Variants in DDX4 observed in about 807,000 individuals in gnomAD.
DDX4 encodes probable ATP-dependent RNA helicase DDX4.
In DDX4, 25 loss-of-function variants were observed where a neutral mutation model predicts 100.0. The ratio of observed to expected loss-of-function variants is 0.25; its 90% CI spans 0.18 to 0.35. The LOEUF (loss-of-function observed/expected upper bound fraction) is 0.35, where lower values mean the gene tolerates loss of function less well. DDX4 is among the 10% of genes least tolerant of loss of function. DDX4 has a pLI of 1.00. For missense variants in DDX4, 635 were observed against 882.4 expected, an observed-to-expected ratio of 0.72 and a Z score of 3.55; for synonymous variants, 259 against 275.7, an observed-to-expected ratio of 0.94 and a Z score of 0.60.
Position 55,787,828 on chromosome 5 carries a change from A to G in DDX4, c.1018-18A>G, listed in dbSNP as rs774231324. ...GTGTTGTGCTATAAGTTTGTAAACT[A>G]AGCAACTTAACTTCTAGGCGGCTTT... On this transcript the variant is annotated intron_variant, in intron 14 of 21. Transcript: ENST00000505374. The G allele has an allele frequency of 2.5e-6, 4 of 1,609,842 alleles. No individual in the cohort carries two copies. In the East Asian group the frequency reaches 8.9e-5, roughly 36 times the overall value.
chr5:55,812,503 G>C (rs1744176684), intron 18 of DDX4, among the ~76,000 whole-genome samples: 3 of 152,100 alleles, frequency 2.0e-5, no homozygotes, highest in Admixed American at 2.0e-4. Context: ...GGCGGAGGTT[G>C]CAGTGAGCCG....
rs868621953 is a variant in DDX4 at position 55,738,079 on chromosome 5, T to A, written c.-37T>A. On this transcript the variant is annotated 5_prime_UTR_variant, in exon 1 of 22. The change creates a new upstream start codon in the 5' untranslated region. Transcript: ENST00000505374. ...AAGTCGCGTGGGCGCCTGCGAGGGC[T>A]TGGGAGAGCAAGCCGCGGAGAGGTG... 1.3e-5 allele frequency: 2 copies of A among 152,300 alleles called. No homozygotes were observed. The highest frequency in any genetic ancestry group is 4.8e-5 in the African/African-American group (2 of 41,480). 9.4% of individuals were successfully genotyped at this position (152,300 alleles called of 1,614,324 possible). A position where few individuals can be genotyped will look rare whatever the true frequency, so the allele number is the denominator to read the frequency against.
At position 55,803,372 on chromosome 5, in the gene DDX4, T is replaced by C. The variant is rs368450783; in HGVS notation, c.1615+4801T>C. Among the ~76,000 whole-genome samples, 460 of 150,262 alleles carry C rather than the reference T, an allele frequency of 3.1e-3. 4 individuals are homozygous for C. The highest frequency in any genetic ancestry group is 0.011 in the African/African-American group (448 of 40,834). ...TAAGTTTTAGGGTACATGTGCACAA[T>C]GTGCAGGTTAGTTACATATGTATAC... On this transcript the variant is annotated intron_variant, in intron 18 of 21. Transcript: ENST00000505374.
At position 55,798,450 on chromosome 5, in the gene DDX4, A is replaced by G. The variant is rs767359153; in HGVS notation, c.1494A>G (p.Ser498=). ...GGTTGGCTGCAGAGTTTTTAAAGTCAAATTATCTGTTTGTTGCTGTTGGAC... is the reference window on the plus strand; with the variant it reads ...GGTTGGCTGCAGAGTTTTTAAAGTCGAATTATCTGTTTGTTGCTGTTGGAC... ...IQRLAAEFLK[S]NYLFVAVGQV... The change falls in exon 18 of 22, where the codon TCA becomes TCG. Residue 498 remains serine (S), a synonymous_variant. Transcript: ENST00000505374. 1.9e-6 allele frequency: 3 copies of G among 1,612,380 alleles called. No individual in the cohort carries two copies. Among genetic ancestry groups the G allele is most frequent in the Non-Finnish European group, 2.5e-6 (3 of 1,179,240 alleles).
intron 2 of DDX4, among the ~76,000 whole-genome samples, chr5:55,745,348 A>T (rs752897770): frequency 9.9e-5 from 15 of 152,194 alleles, no homozygotes; most frequent in Non-Finnish European, 2.1e-4. Flanking sequence ...CTTGGCATAC[A>T]ATAGTGTGTA....
At chr5:55,801,401 A>G (rs1743295446) in intron 18 of DDX4, among the ~76,000 whole-genome samples, 1 of 152,188 alleles carries the variant, frequency 6.6e-6, no homozygotes, top group Admixed American at 6.5e-5. Flanking sequence ...GTAGATGTAA[A>G]ACTGGTCATT....
intron 7 of DDX4, among the ~76,000 whole-genome samples, chr5:55,768,302 G>A (rs1580544865): frequency 6.6e-6 from 1 of 152,186 alleles, no homozygotes; most frequent in Non-Finnish European, 1.5e-5. Flanking sequence ...CCTAAAGTAG[G>A]CCCCAGTGTC....
intron 16 of DDX4, among the ~76,000 whole-genome samples, chr5:55,791,381 C>T (rs1371819789): frequency 7.2e-5 from 11 of 152,148 alleles, no homozygotes; most frequent in Admixed American, 6.5e-4. Context: ...ACACACCTTT[C>T]TTAGTATACT....
rs186750584 is a variant in DDX4 at position 55,794,802 on chromosome 5, T to G, written c.1469+1995T>G. On this transcript the variant is annotated intron_variant, in intron 17 of 21. Coordinates refer to ENST00000505374, the MANE Select transcript of DDX4 (RefSeq NM_024415.3). Reference sequence around the variant, plus strand: ...TCCCTCAGTTGCTTCATTTTATCTGTTCTTAAATGTTACCAGTTGCCCATC... The same window carrying G: ...TCCCTCAGTTGCTTCATTTTATCTGGTCTTAAATGTTACCAGTTGCCCATC... Among the ~76,000 whole-genome samples the G allele has an allele frequency of 2.1e-3, 325 of 152,244 alleles. 1 individual carries two copies. The highest frequency in any genetic ancestry group is 7.5e-3 in the African/African-American group (310 of 41,544).
intron 18 of DDX4, 44 bp from the exon 19 acceptor site, chr5:55,813,629 C>G (rs1008380874): frequency 1.3e-6 from 2 of 1,506,262 alleles, no homozygotes; most frequent in Non-Finnish European, 1.8e-6. Flanking sequence ...TTTTTCATTT[C>G]CTGATTTTGA....
At chr5:55,757,789 G>C (rs562282981) in intron 3 of DDX4, among the ~76,000 whole-genome samples, 8 of 152,204 alleles carry the variant, frequency 5.3e-5, no homozygotes, top group African/African-American at 1.9e-4. Context: ...CACGCCTGTA[G>C]TCCCAGCACT....
chr5:55,772,192 CAGAG>C (rs1450602392), intron 7 of DDX4, among the ~76,000 whole-genome samples: 1 of 152,124 alleles, frequency 6.6e-6, no homozygotes, highest in Non-Finnish European at 1.5e-5. Flanking sequence ...GCCTGGGCGA[CAGAG>C]AGAGACTCCG....
intron 3 of DDX4, among the ~76,000 whole-genome samples, chr5:55,756,965 C>T (rs1373612829): frequency 6.6e-6 from 1 of 152,024 alleles, no homozygotes; most frequent in Non-Finnish European, 1.5e-5. Flanking sequence ...TAAACTTTCA[C>T]ATTTACATGT....
At chr5:55,789,720 G>C (rs1750989762) in intron 15 of DDX4, among the ~76,000 whole-genome samples, 2 of 152,188 alleles carry the variant, frequency 1.3e-5, no homozygotes, top group Admixed American at 1.3e-4. Flanking sequence ...AGCGACAACA[G>C]AGCATTAAAT....
At chr5:55,778,875 C>G (rs1741732565) in intron 7 of DDX4, among the ~76,000 whole-genome samples, 2 of 132,610 alleles carry the variant, frequency 1.5e-5, no homozygotes, top group African/African-American at 5.8e-5. Flanking sequence ...ACCTGGGTGA[C>G]AGAGTGAGAC....
At chr5:55,809,812 G>C (rs1744005149) in intron 18 of DDX4, among the ~76,000 whole-genome samples, 2 of 152,332 alleles carry the variant, frequency 1.3e-5, no homozygotes, top group South Asian at 4.1e-4. Context: ...TTAGATTCAA[G>C]TTAGGAAAGA....
intron 16 of DDX4, among the ~76,000 whole-genome samples, chr5:55,791,585 T>C (rs1187024077): frequency 6.6e-6 from 1 of 152,200 alleles, no homozygotes; most frequent in Non-Finnish European, 1.5e-5. Flanking sequence ...AGAAAAAATT[T>C]TACCAGTTAG....
At chr5:55,801,627 C>G (rs1743314639) in intron 18 of DDX4, among the ~76,000 whole-genome samples, 1 of 152,042 alleles carries the variant, frequency 6.6e-6, no homozygotes, top group South Asian at 2.1e-4. Flanking sequence ...CAGAGATAGT[C>G]TTGATGACAA....
At chr5:55,788,112 T>A in intron 15 of DDX4, 112 bp downstream of exon 15, 2 of 905,026 alleles carry the variant, frequency 2.2e-6, no homozygotes, top group Non-Finnish European at 3.2e-6. Flanking sequence ...TAGCATTACT[T>A]AAAGTATTTT....
Sources: allele counts gnomAD v4.1 joint callset (sites outside exome capture counted in the v4.1 genomes callset), GRCh38; gene constraint gnomAD v4.1.1; transcripts MANE v1.5; gene names NCBI Gene and HGNC (gene_info 2026-07-23, HGNC 2026-07-21).